SLC35D4: variants seen among roughly 807,000 people sequenced by gnomAD.
SLC35D4 encodes the protein UDP-N-acetylglucosamine transporter SLC35D4.
the SLC35D4 span, among the ~76,000 whole-genome samples, chr18:23,402,390 T>C: frequency 1.3e-5 from 2 of 152,212 alleles, no homozygotes; most frequent in Admixed American, 6.5e-5. Context: ...AAGGGTAGTA[T>C]ATGCAAGAAA....
chr18:23,334,079 T>C, the SLC35D4 span, among the ~76,000 whole-genome samples: 1 of 152,242 alleles, frequency 6.6e-6, no homozygotes, highest in Non-Finnish European at 1.5e-5. Context: ...ATTATTTTTC[T>C]GTTTTCCTTT....
chr18:23,388,987 C>CTTTTTTT, the SLC35D4 span, among the ~76,000 whole-genome samples: 10 of 126,192 alleles, frequency 7.9e-5, no homozygotes, highest in African/African-American at 2.2e-4. Flanking sequence ...TCAAGTAGTT[C>CTTTTTTT]TTTTTTTTTT....
chr18:23,393,478 A>T, the SLC35D4 span, among the ~76,000 whole-genome samples: 1 of 152,154 alleles, frequency 6.6e-6, no homozygotes, highest in East Asian at 1.9e-4. Context: ...CATTACTCTA[A>T]GTACCAGATA....
chr18:23,259,511 A>G, the SLC35D4 span: 3 of 152,116 alleles, frequency 2.0e-5, no homozygotes, highest in African/African-American at 7.2e-5. Context: ...TTAAAGATGC[A>G]TTTTCATTTT....
chr18:23,433,069 T>C, the SLC35D4 span, among the ~76,000 whole-genome samples: 18 of 150,678 alleles, frequency 1.2e-4, no homozygotes, highest in South Asian at 3.7e-3. Flanking sequence ...CTCTTTTCTT[T>C]TTTTTTTTTG....
the SLC35D4 span, among the ~76,000 whole-genome samples, chr18:23,401,599 T>C: frequency 1.3e-5 from 2 of 152,164 alleles, no homozygotes; most frequent in African/African-American, 4.8e-5. Context: ...CCATGGCCTG[T>C]TGTGCACCAG....
At chr18:23,287,920 C>G in the SLC35D4 span, among the ~76,000 whole-genome samples, 1 of 152,240 alleles carries the variant, frequency 6.6e-6, no homozygotes, top group Non-Finnish European at 1.5e-5. Context: ...CGGCTGCTGC[C>G]CCGCTAATAC....
chr18:23,366,061 G>A, the SLC35D4 span, among the ~76,000 whole-genome samples: 1 of 152,182 alleles, frequency 6.6e-6, no homozygotes, highest in Non-Finnish European at 1.5e-5. Flanking sequence ...TGTGAGCTAC[G>A]TATATTTTTG....
chr18:23,263,127 G>A, the SLC35D4 span, among the ~76,000 whole-genome samples: 5 of 152,208 alleles, frequency 3.3e-5, no homozygotes, highest in South Asian at 4.1e-4. Context: ...AATGACACAC[G>A]ATTATGAAGT....
At chr18:23,263,034 T>C in the SLC35D4 span, among the ~76,000 whole-genome samples, 1 of 152,246 alleles carries the variant, frequency 6.6e-6, no homozygotes, top group Non-Finnish European at 1.5e-5. Flanking sequence ...GCCAGCCCTG[T>C]GCTGGGCACT....
At chr18:23,362,028 A>T in the SLC35D4 span, among the ~76,000 whole-genome samples, 1 of 152,148 alleles carries the variant, frequency 6.6e-6, no homozygotes, top group Admixed American at 6.5e-5. Context: ...ATTTCAAATT[A>T]CTCCTCTGCC....
At chr18:23,405,021 A>C in the SLC35D4 span, among the ~76,000 whole-genome samples, 4 of 145,588 alleles carry the variant, frequency 2.7e-5, no homozygotes, top group African/African-American at 7.8e-5. Flanking sequence ...AAAAAAAAAA[A>C]AACAGGCCCA....
the SLC35D4 span, among the ~76,000 whole-genome samples, chr18:23,419,477 A>G: frequency 6.6e-6 from 1 of 152,018 alleles, no homozygotes; most frequent in Admixed American, 6.6e-5. Flanking sequence ...TTTTTAGTAG[A>G]GACAGGGTTT....
the SLC35D4 span, among the ~76,000 whole-genome samples, chr18:23,303,169 C>T: frequency 6.6e-6 from 1 of 152,184 alleles, no homozygotes; most frequent in Non-Finnish European, 1.5e-5. Flanking sequence ...ATGGACAAGG[C>T]AGAACAGCTC....
the SLC35D4 span, among the ~76,000 whole-genome samples, chr18:23,308,138 A>G: frequency 3.9e-5 from 6 of 152,356 alleles, no homozygotes; most frequent in African/African-American, 1.4e-4. Context: ...GGATGTGGCC[A>G]GGGAAGCCTC....
At chr18:23,326,428 A>G in the SLC35D4 span, among the ~76,000 whole-genome samples, 2 of 152,228 alleles carry the variant, frequency 1.3e-5, no homozygotes, top group Admixed American at 1.3e-4. Flanking sequence ...CAGACTTTAA[A>G]CCAACAAAGT....
the SLC35D4 span, among the ~76,000 whole-genome samples, chr18:23,260,966 C>A: frequency 6.6e-6 from 1 of 152,242 alleles, no homozygotes; most frequent in East Asian, 1.9e-4. Context: ...CACAGCCCAG[C>A]GGAAGGGACC....
chr18:23,326,462 T>C, the SLC35D4 span, among the ~76,000 whole-genome samples: 2 of 152,160 alleles, frequency 1.3e-5, no homozygotes, highest in East Asian at 3.9e-4. Context: ...AGAAGTCCAT[T>C]ACATAATGGT....
At chr18:23,341,264 A>G in the SLC35D4 span, among the ~76,000 whole-genome samples, 19 of 152,352 alleles carry the variant, frequency 1.2e-4, no homozygotes, top group Middle Eastern at 3.4e-3. Context: ...AAAAACAACA[A>G]TAATAGTGAT....
Sources: allele counts gnomAD v4.1 joint callset (sites outside exome capture counted in the v4.1 genomes callset), GRCh38; gene constraint gnomAD v4.1.1; transcripts MANE v1.5; gene names NCBI Gene and HGNC (gene_info 2026-07-23, HGNC 2026-07-21).